TIMP2: variants seen among roughly 807,000 people sequenced by gnomAD.
The protein encoded by TIMP2 is TIMP metallopeptidase inhibitor 2, also known as metalloproteinase inhibitor 2.
TIMP2 carries 5 observed loss-of-function variants against 24.3 expected under a neutral mutation model. That is an observed-to-expected ratio of 0.21 (90% CI 0.11 to 0.43). The LOEUF (loss-of-function observed/expected upper bound fraction) is 0.43. Among genes scored for constraint, TIMP2 ranks in the 20% least tolerant of loss-of-function variants. The pLI, the probability that TIMP2 is intolerant of heterozygous loss-of-function variation, is 1.00. For synonymous variants in TIMP2, 130 were observed against 123.2 expected, an observed-to-expected ratio of 1.06 and a Z score of -0.37; for missense variants, 221 against 297.5, an observed-to-expected ratio of 0.74 and a Z score of 1.89.
chr17:78,891,836 C>T lies in TIMP2; in HGVS notation c.131-17917G>A. On this transcript the variant is annotated intron_variant, in intron 1 of 4. Coordinates refer to ENST00000262768, the MANE Select transcript of TIMP2 (RefSeq NM_003255.5). The surrounding 1 kb of genome is among the most constrained non-coding windows in gnomAD (Gnocchi z 4.5). Reference sequence around the variant, plus strand: ...GGTCGAAGGTTCTGGCCTTCCCTTTCTCTTCTCAGGCGGGGCCAGGTGAGA... The same window carrying T: ...GGTCGAAGGTTCTGGCCTTCCCTTTTTCTTCTCAGGCGGGGCCAGGTGAGA... 6.4e-7 allele frequency: 1 copy of T among 1,550,822 alleles called. No homozygotes were observed. Among genetic ancestry groups the T allele is most frequent in the Middle Eastern group, 1.7e-4 (1 of 5,994 alleles).
chr17:78,913,357 G>A (rs60221795), intron 1 of TIMP2, among the ~76,000 whole-genome samples: 9,737 of 152,212 alleles, frequency 0.064, 804 homozygotes, highest in African/African-American at 0.19. Flanking sequence ...TACTCAAACC[G>A]CTGAACTGTG....
intron 3 of TIMP2, among the ~76,000 whole-genome samples, chr17:78,869,339 C>G (rs1020199804): frequency 7.3e-5 from 11 of 151,212 alleles, no homozygotes; most frequent in African/African-American, 1.9e-4. Flanking sequence ...GAGAGGATCA[C>G]TTGACCCCAG....
At chr17:78,895,449 C>T (rs973906263) in intron 1 of TIMP2, among the ~76,000 whole-genome samples, 13 of 152,144 alleles carry the variant, frequency 8.5e-5, no homozygotes, top group East Asian at 3.8e-4. Context: ...TCCACTCCAA[C>T]GGCTGTCGTC....
intron 3 of TIMP2, 93 bp downstream of exon 3, chr17:78,870,805 A>AC (rs1443847521): frequency 1.9e-6 from 2 of 1,063,380 alleles, no homozygotes; most frequent in East Asian, 2.6e-5. Flanking sequence ...CCGCCTCCCC[A>AC]CCCCCCGAGC....
At chr17:78,872,002 C>A (rs763016850) in intron 2 of TIMP2, among the ~76,000 whole-genome samples, 5 of 151,942 alleles carry the variant, frequency 3.3e-5, no homozygotes, top group African/African-American at 1.2e-4. Flanking sequence ...ATGACTTTTG[C>A]ATATTTCCAG....
intron 1 of TIMP2, chr17:78,904,490 T>C (rs901517325): frequency 3.3e-5 from 5 of 152,084 alleles, no homozygotes; most frequent in Admixed American, 3.3e-4. Context: ...CCCTTTGTCC[T>C]GGGCTGGAAG....
In TIMP2 at chr17:78,877,707, CT is replaced by C. The variant is rs781320147; in HGVS notation, c.131-3789del. On this transcript the variant is annotated intron_variant, in intron 1 of 4. Transcript: ENST00000262768. ...GGAGCTGCTTTTCTTTTCTTTCTTT[CT>C]TTTTTTTTTTTTTGAGATGGAGTCT... Among the ~76,000 whole-genome samples the C allele has an allele frequency of 2.3e-3, 329 of 142,660 alleles. 1 individual carries two copies. Among genetic ancestry groups the C allele is most frequent in the Non-Finnish European group, 2.2e-3 (141 of 64,888 alleles). 93.6% of individuals were successfully genotyped at this position (142,660 alleles called of 152,430 possible).
intron 1 of TIMP2, among the ~76,000 whole-genome samples, chr17:78,878,886 A>C (rs2069753653): frequency 6.6e-6 from 1 of 152,210 alleles, no homozygotes; most frequent in Non-Finnish European, 1.5e-5. Context: ...CCCACTTTGC[A>C]AAATGAGAAA....
chr17:78,911,902 A>C (rs959269850), intron 1 of TIMP2, among the ~76,000 whole-genome samples: 2 of 151,384 alleles, frequency 1.3e-5, no homozygotes, highest in Non-Finnish European at 1.5e-5. Flanking sequence ...ACCAAAAAAA[A>C]AAAAAAAAAA....
At chr17:78,908,173 G>T (rs1355171317) in intron 1 of TIMP2, among the ~76,000 whole-genome samples, 1 of 152,116 alleles carries the variant, frequency 6.6e-6, no homozygotes, top group Non-Finnish European at 1.5e-5. Flanking sequence ...ACCATGTGAT[G>T]TCTGCAGAGC....
chr17:78,889,991 C>T (rs1008232215), intron 1 of TIMP2, among the ~76,000 whole-genome samples: 2 of 151,970 alleles, frequency 1.3e-5, no homozygotes, highest in African/African-American at 2.4e-5. Context: ...TGGTGGCAGG[C>T]GCCTATAATC....
At chr17:78,923,233 G>A (rs1279690209) in intron 1 of TIMP2, among the ~76,000 whole-genome samples, 1 of 151,954 alleles carries the variant, frequency 6.6e-6, no homozygotes. Context: ...TGAAGGAGGC[G>A]GGAGGCACGC....
intron 1 of TIMP2, among the ~76,000 whole-genome samples, chr17:78,906,340 C>A (rs1308755681): frequency 3.3e-5 from 5 of 152,078 alleles, no homozygotes; most frequent in Admixed American, 3.3e-4. Flanking sequence ...TGCACTCCAG[C>A]CTGAGTGACA....
chr17:78,871,449 C>CAAAAA (rs749440079), intron 2 of TIMP2, among the ~76,000 whole-genome samples: 20 of 122,540 alleles, frequency 1.6e-4, no homozygotes, highest in South Asian at 2.9e-4. Flanking sequence ...AAGACTCCGT[C>CAAAAA]AAAAAAAAAA....
intron 1 of TIMP2, among the ~76,000 whole-genome samples, chr17:78,880,556 A>C (rs990438464): frequency 6.6e-6 from 1 of 152,064 alleles, no homozygotes; most frequent in Admixed American, 6.6e-5. Context: ...AACAAAAAAA[A>C]ACAAAAATTA....
At chr17:78,883,411 G>C (rs147696791) in intron 1 of TIMP2, among the ~76,000 whole-genome samples, 1 of 152,318 alleles carries the variant, frequency 6.6e-6, no homozygotes. Flanking sequence ...CAGAGGACTT[G>C]GCCAGCATGA....
intron 2 of TIMP2, among the ~76,000 whole-genome samples, chr17:78,872,756 C>T (rs2069696541): frequency 6.6e-6 from 1 of 152,120 alleles, no homozygotes; most frequent in African/African-American, 2.4e-5. Context: ...ACTAGGTCAT[C>T]CCCTTAAACT....
intron 1 of TIMP2, among the ~76,000 whole-genome samples, chr17:78,880,688 A>G (rs1369090244): frequency 6.6e-6 from 1 of 152,220 alleles, no homozygotes; most frequent in East Asian, 1.9e-4. Flanking sequence ...TGAAAGAACC[A>G]GACCCTGCCT....
intron 3 of TIMP2, among the ~76,000 whole-genome samples, chr17:78,859,628 C>T (rs2069552769): frequency 6.6e-6 from 1 of 150,922 alleles, no homozygotes; most frequent in South Asian, 2.1e-4. Context: ...GCAAACTGCA[C>T]TCCAGCCTGG....
Sources: gnomAD v4.1 joint callset for allele counts (sites outside exome capture counted in the v4.1 genomes callset) on GRCh38, gnomAD v4.1.1 for gene constraint, Gnocchi (gnomAD v3.1) non-coding constraint, MANE v1.5 for transcripts, NCBI Gene and HGNC (gene_info 2026-07-23, HGNC 2026-07-21) for gene names.